Variants in PCSK6 observed in about 807,000 individuals in gnomAD.
The protein encoded by PCSK6 is proprotein convertase subtilisin/kexin type 6.
In PCSK6, 85 loss-of-function variants were observed where a neutral mutation model predicts 123.3. The observed-to-expected ratio is 0.69, with a 90% confidence interval of 0.58 to 0.83. PCSK6 has a LOEUF of 0.83. Among genes scored for constraint, PCSK6 ranks in the 40% least tolerant of loss-of-function variants. The pLI, the probability that PCSK6 is intolerant of heterozygous loss-of-function variation, is 0.00. For missense variants in PCSK6, 1,191 were observed against 1,282.3 expected, an observed-to-expected ratio of 0.93 and a Z score of 1.09; for synonymous variants, 508 against 516.0, an observed-to-expected ratio of 0.98 and a Z score of 0.21.
At chr15:101,395,061 G>A (rs2042365466) in intron 7 of PCSK6, among the ~76,000 whole-genome samples, 1 of 152,190 alleles carries the variant, frequency 6.6e-6, no homozygotes, top group Non-Finnish European at 1.5e-5. Context: ...CAACTACAAT[G>A]CAAATCAAAA....
At chr15:101,317,747 C>A (rs777083061) in intron 19 of PCSK6, among the ~76,000 whole-genome samples, 5 of 152,184 alleles carry the variant, frequency 3.3e-5, no homozygotes, top group Non-Finnish European at 7.3e-5. Context: ...TAAGCCACTG[C>A]CTGGCTGGGT....
At chr15:101,421,364 A>C (rs1413292874) in intron 6 of PCSK6, among the ~76,000 whole-genome samples, 1 of 152,234 alleles carries the variant, frequency 6.6e-6, no homozygotes, top group Admixed American at 6.5e-5. Flanking sequence ...AACTATGTCC[A>C]CAGGTTTTTT....
intron 19 of PCSK6, chr15:101,313,772 T>G: frequency 2.5e-6 from 1 of 402,362 alleles, no homozygotes; most frequent in Non-Finnish European, 4.5e-6. Flanking sequence ...CGTGCCACGA[T>G]GATGGGCCCT....
Position 101,446,977 on chromosome 15 carries a change from G to A in PCSK6, c.298-3317C>T, listed in dbSNP as rs535224638. Among the ~76,000 whole-genome samples the A allele has an allele frequency of 3.2e-4, 49 of 152,258 alleles. No homozygotes were observed. In the South Asian group the frequency reaches 3.7e-3, roughly 12 times the overall value. On this transcript the variant is annotated intron_variant, in intron 1 of 21. Coordinates refer to ENST00000611716, the MANE Select transcript of PCSK6 (RefSeq NM_002570.5). ...TCAGGAGTGTGAGGTTTTCATCACG[G>A]GCAAAACCAGTGAGAGAATCAAAGG...
intron 6 of PCSK6, among the ~76,000 whole-genome samples, chr15:101,409,415 C>G (rs2042875540): frequency 6.6e-6 from 1 of 152,132 alleles, no homozygotes; most frequent in Non-Finnish European, 1.5e-5. Context: ...GAAACCCCGT[C>G]TCTACTAAAA....
At chr15:101,483,887 T>A (rs2057953812) in intron 1 of PCSK6, among the ~76,000 whole-genome samples, 1 of 152,192 alleles carries the variant, frequency 6.6e-6, no homozygotes, top group Non-Finnish European at 1.5e-5. Flanking sequence ...CTTCTTAACA[T>A]GGGCCTGCAG....
In PCSK6 at chr15:101,334,080, G is replaced by C. The variant is rs562167149; in HGVS notation, c.1859-2049C>G. On this transcript the variant is annotated intron_variant, in intron 13 of 21. Coordinates refer to ENST00000611716, the MANE Select transcript of PCSK6 (RefSeq NM_002570.5). Reference sequence around the variant, plus strand: ...CCCCAGCATAGCATTTCTAGCACACGGTCTTCCACAGGGCTCGGTTCATTA... The same window carrying C: ...CCCCAGCATAGCATTTCTAGCACACCGTCTTCCACAGGGCTCGGTTCATTA... 3 of 152,278 alleles carry C rather than the reference G, an allele frequency of 2.0e-5. No individual in the cohort carries two copies. The East Asian group carries it at 5.8e-4, about 29-fold the overall frequency. The allele number at this position is 152,278 out of a possible 1,614,324, so 9.4% of individuals were successfully genotyped here.
intron 1 of PCSK6, among the ~76,000 whole-genome samples, chr15:101,452,196 T>C (rs966071794): frequency 6.6e-6 from 1 of 152,234 alleles, no homozygotes; most frequent in Admixed American, 6.5e-5. Context: ...CATTAATTCT[T>C]ACTTAGCAAA....
intron 1 of PCSK6, among the ~76,000 whole-genome samples, chr15:101,480,814 T>C (rs1375177511): frequency 2.0e-5 from 3 of 152,228 alleles, no homozygotes; most frequent in Non-Finnish European, 2.9e-5. Flanking sequence ...GGTGTCCTCA[T>C]GTACAAGTAC....
intron 20 of PCSK6, among the ~76,000 whole-genome samples, chr15:101,309,493 C>T (rs189282950): frequency 6.6e-6 from 1 of 152,374 alleles, no homozygotes; most frequent in African/African-American, 2.4e-5. Context: ...TTTGCCCTGC[C>T]ACATTCTGGA....
chr15:101,449,730 C>G (rs1158017878), intron 1 of PCSK6, among the ~76,000 whole-genome samples: 1 of 152,194 alleles, frequency 6.6e-6, no homozygotes, highest in African/African-American at 2.4e-5. Context: ...TTCTGAAATC[C>G]TCTGCGGGAG....
At chr15:101,371,663 G>T (rs139047091) in intron 11 of PCSK6, among the ~76,000 whole-genome samples, 5 of 152,128 alleles carry the variant, frequency 3.3e-5, no homozygotes, top group Non-Finnish European at 5.9e-5. Context: ...TAGCTAATGC[G>T]GGGAGGAGCT....
intron 12 of PCSK6, among the ~76,000 whole-genome samples, chr15:101,367,219 A>C (rs1239998444): frequency 6.6e-6 from 1 of 152,034 alleles, no homozygotes; most frequent in Admixed American, 6.5e-5. Context: ...TCAACATCCA[A>C]TCTCTTCCTG....
intron 1 of PCSK6, among the ~76,000 whole-genome samples, chr15:101,480,842 T>C (rs1439474551): frequency 6.6e-6 from 1 of 152,186 alleles, no homozygotes; most frequent in Non-Finnish European, 1.5e-5. Context: ...GCAGGGCCTA[T>C]CGAGTGACTC....
At chr15:101,321,592 T>C (rs1254430491) in intron 18 of PCSK6, among the ~76,000 whole-genome samples, 3 of 152,250 alleles carry the variant, frequency 2.0e-5, no homozygotes, top group African/African-American at 7.2e-5. Flanking sequence ...TGTTCTTTAC[T>C]CCAAAAAAGA....
At chr15:101,355,825 G>C (rs2041021672) in intron 13 of PCSK6, among the ~76,000 whole-genome samples, 1 of 152,190 alleles carries the variant, frequency 6.6e-6, no homozygotes, top group Non-Finnish European at 1.5e-5. Context: ...GCCTGACCTT[G>C]GCAGGTGCAC....
chr15:101,356,486 C>T (rs1345252833), intron 13 of PCSK6, among the ~76,000 whole-genome samples: 2 of 138,562 alleles, frequency 1.4e-5, no homozygotes, highest in Non-Finnish European at 1.5e-5. Context: ...ATGGCAAAAC[C>T]CTGTCTCTAC....
intron 19 of PCSK6, among the ~76,000 whole-genome samples, chr15:101,314,693 G>T (rs3784515): frequency 0.43 from 64,732 of 152,086 alleles, 17,803 homozygotes; most frequent in African/African-American, 0.79. Flanking sequence ...GCTCCTCCTT[G>T]GAGAGTCAGG....
intron 6 of PCSK6, among the ~76,000 whole-genome samples, chr15:101,406,710 G>T (rs2042791399): frequency 6.6e-6 from 1 of 152,156 alleles, no homozygotes; most frequent in Non-Finnish European, 1.5e-5. Flanking sequence ...GCTCCAGGGA[G>T]CTGTGGTCTG....
Sources: gnomAD v4.1 joint callset for allele counts (sites outside exome capture counted in the v4.1 genomes callset) on GRCh38, gnomAD v4.1.1 for gene constraint, MANE v1.5 for transcripts, NCBI Gene and HGNC (gene_info 2026-07-23, HGNC 2026-07-21) for gene names.